SYCE1: variants seen among roughly 807,000 people sequenced by gnomAD.
SYCE1 encodes cancer/testis antigen 76.
Under a neutral mutation model 55.1 loss-of-function variants are expected in SYCE1, and 37 were observed. The ratio of observed to expected loss-of-function variants is 0.67; its 90% CI spans 0.52 to 0.88. The LOEUF (loss-of-function observed/expected upper bound fraction) is 0.88. Ranked by LOEUF, SYCE1 falls within the 40% of genes least tolerant of loss-of-function variation. The probability of loss-of-function intolerance (pLI) is 0.00; values close to 1 mark genes in which losing one functional copy is unlikely to be tolerated. For synonymous variants in SYCE1, 163 were observed against 159.4 expected (o/e 1.02, Z -0.17); for missense variants, 399 against 416.4 (o/e 0.96, Z 0.36).
intron 2 of SYCE1, chr10:133,559,734 A>C: frequency 2.4e-6 from 1 of 417,052 alleles, no homozygotes; most frequent in South Asian, 2.5e-5. Context: ...ACCCATCATG[A>C]GGTGGGAACA....
chr10:133,555,470 A>C (rs1183895824), intron 11 of SYCE1, 32 bp from the exon 12 acceptor site: 2 of 1,613,308 alleles, frequency 1.2e-6, no homozygotes, highest in South Asian at 2.2e-5. Context: ...GGGGGAAGGA[A>C]GAGGAGGAAA....
At chr10:133,565,620 G>A (rs1002544748), upstream of SYCE1, 15 of 1,341,458 alleles carry the variant, frequency 1.1e-5, no homozygotes, top group African/African-American at 4.4e-5. Context: ...TCCAGGCAGC[G>A]CGCCTGCGCA....
chr10:133,567,543 C>T (rs1589975288), upstream of SYCE1, among the ~76,000 whole-genome samples: 1 of 152,002 alleles, frequency 6.6e-6, no homozygotes, highest in East Asian at 1.9e-4. Flanking sequence ...CTCTTCTGGG[C>T]AGGTGGTTAG....
At chr10:133,568,258 TC>T, upstream of SYCE1, 1 of 1,426,562 alleles carries the variant, frequency 7.0e-7, no homozygotes, top group Non-Finnish European at 9.5e-7. Context: ...CAGGCCGCGT[TC>T]CCCGGGTCCC....
rs964080205 is a variant in SYCE1, at chr10:133,558,700, G to A, written c.271+177C>T. On this transcript the variant is annotated intron_variant, in intron 4 of 12. Transcript: ENST00000343131. ...AAGCCCTGAGGTGGGAATGAGGTTG[G>A]AGGGTGTTTCCTGAACACTCCCACA... 3 of 641,356 alleles carry A rather than the reference G, an allele frequency of 4.7e-6. No individual in the cohort carries two copies. In the East Asian group the frequency reaches 8.7e-5, roughly 19 times the overall value. The allele number at this position is 641,356 out of a possible 1,614,324, so 39.7% of individuals were successfully genotyped here. A position where few individuals can be genotyped will look rare whatever the true frequency, so the allele number is the denominator to read the frequency against.
chr10:133,562,383 T>C (rs991314810), intron 1 of SYCE1, among the ~76,000 whole-genome samples: 3 of 123,702 alleles, frequency 2.4e-5, no homozygotes, highest in South Asian at 3.2e-4. Flanking sequence ...TGGGCAAAAG[T>C]TTTTTTTCTT....
chr10:133,558,695 G>C, intron 4 of SYCE1, 182 bp downstream of exon 4: 1 of 627,134 alleles, frequency 1.6e-6, no homozygotes. Context: ...GTGGGAATGA[G>C]GTTGGAGGGT....
In SYCE1 at chr10:133,556,822, C is replaced by T. The variant is rs1851695322; in HGVS notation, c.465G>A (p.Arg155=). Residue 155 remains arginine (R), a splice_region_variant and synonymous_variant, in exon 8 of 13, where the codon AGG becomes AGA. Coordinates refer to ENST00000343131, the MANE Select transcript of SYCE1 (RefSeq NM_001143764.3). ...CTTCCAGCTGTTCCTCGAATGCCAA[C>T]CTGGGAACCAACCACAGGCATGAGG... ...EEEKNKQRQL[R]LAFEEQLEDL... is the part of the protein sequence containing the mutation. The T allele has an allele frequency of 6.3e-7, 1 of 1,590,362 alleles. No individual in the cohort carries two copies. Among genetic ancestry groups the T allele is most frequent in the Non-Finnish European group, 8.6e-7 (1 of 1,168,290 alleles).
chr10:133,565,013 C>G (rs11101842), intron 1 of SYCE1, among the ~76,000 whole-genome samples: 1 of 152,034 alleles, frequency 6.6e-6, no homozygotes, highest in East Asian at 1.9e-4. Context: ...CCCGGCTCCC[C>G]GGGGCGTCGG....
At chr10:133,562,866 T>C (rs749157996) in intron 1 of SYCE1, among the ~76,000 whole-genome samples, 26 of 152,170 alleles carry the variant, frequency 1.7e-4, no homozygotes, top group Non-Finnish European at 7.4e-5. Context: ...CTAAATAAAA[T>C]TGGTCTCCTG....
At chr10:133,566,352 G>A (rs190469307), upstream of SYCE1, among the ~76,000 whole-genome samples, 5 of 152,192 alleles carry the variant, frequency 3.3e-5, no homozygotes, top group Admixed American at 6.5e-5. Context: ...ACGAAGCCTC[G>A]AATCCTAACC....
At position 133,558,223 on chromosome 10, in the gene SYCE1, C is replaced by G. The variant is rs1851735870; in HGVS notation, c.272-9G>C. On this transcript the variant is annotated splice_polypyrimidine_tract_variant and intron_variant, in intron 4 of 12. Coordinates refer to ENST00000343131, the MANE Select transcript of SYCE1 (RefSeq NM_001143764.3). ...TACTTTCTCTCCATGCACTAGAAAA[C>G]AGTGACACATTTTGGCATCAGGGAC... 6.2e-7 allele frequency: 1 copy of G among 1,614,134 alleles called. No individual in the cohort carries two copies. The highest frequency in any genetic ancestry group is 8.5e-7 in the Non-Finnish European group (1 of 1,180,006).
Position 133,557,117 on chromosome 10 carries a change from A to C in SYCE1, c.414T>G (p.Ser138=). Reference sequence around the variant, plus strand: ...CTTCTTCAATCTGCAAGTTCAGGGCAGAAATTCTCTCCTTGCACTCCTGCA... The same window carrying C: ...CTTCTTCAATCTGCAAGTTCAGGGCCGAAATTCTCTCCTTGCACTCCTGCA... ...TMLQECKERI[S]ALNLQIEEEK... Residue 138 remains serine (S), a synonymous_variant, in exon 7 of 13, where the codon TCT becomes TCG. Transcript: ENST00000343131. 1 of 1,614,180 alleles carries C rather than the reference A, an allele frequency of 6.2e-7. No individual in the cohort carries two copies. The highest frequency in any genetic ancestry group is 8.5e-7 in the Non-Finnish European group (1 of 1,180,034).
chr10:133,558,697 T>A (rs1352481705), intron 4 of SYCE1, 180 bp downstream of exon 4: 2 of 630,886 alleles, frequency 3.2e-6, no homozygotes, highest in Non-Finnish European at 5.5e-6. Context: ...GGGAATGAGG[T>A]TGGAGGGTGT....
At chr10:133,558,260 C>A in intron 4 of SYCE1, 46 bp from the exon 5 acceptor site, 1 of 1,602,842 alleles carries the variant, frequency 6.2e-7, no homozygotes, top group South Asian at 1.1e-5. Context: ...ATGCACTGCA[C>A]CCTCAGGGAT....
rs772735890 is a variant in SYCE1 at position 133,556,062 on chromosome 10, A to G, written c.529-15T>C. 1 of 1,612,488 alleles carries G rather than the reference A, an allele frequency of 6.2e-7. No homozygotes were observed. The highest frequency in any genetic ancestry group is 1.7e-5 in the Admixed American group (1 of 60,000). On this transcript the variant is annotated splice_polypyrimidine_tract_variant and intron_variant, in intron 8 of 12. Transcript: ENST00000343131. ...CGCTCTGGCATCTGAGGGGCAGAAA[A>G]GAGGCCTGTCCACTCCTCTTGGCTT... is the stretch of plus-strand genomic sequence containing the variant.
At chr10:133,567,883 T>G, upstream of SYCE1, 1 of 480,862 alleles carries the variant, frequency 2.1e-6, no homozygotes, top group Non-Finnish European at 4.0e-6. Context: ...AGGTGGGAGG[T>G]GGGAGGCTGA....
intron 3 of SYCE1, 50 bp downstream of exon 3, chr10:133,559,251 C>CAAA (rs1564857202): frequency 1.9e-6 from 3 of 1,600,900 alleles, no homozygotes; most frequent in South Asian, 2.2e-5. Context: ...CACTGAGCCC[C>CAAA]GCAAACCATG....
In SYCE1 at chr10:133,558,643, T is replaced by C. The variant is rs1481339403; in HGVS notation, c.271+234A>G. 7 of 556,360 alleles carry C rather than the reference T, an allele frequency of 1.3e-5. No homozygotes were observed. The African/African-American group carries it at 1.3e-4, about 11-fold the overall frequency. The allele number at this position is 556,360 out of a possible 1,614,324, so 34.5% of individuals were successfully genotyped here. A position where few individuals can be genotyped will look rare whatever the true frequency, so the allele number is the denominator to read the frequency against. ...TGATGTGAGGAAAGAGGAACCTGTATTATCTGAGGAAGCACAGACAGCGTC... is the reference window on the plus strand; with the variant it reads ...TGATGTGAGGAAAGAGGAACCTGTACTATCTGAGGAAGCACAGACAGCGTC... On this transcript the variant is annotated intron_variant, in intron 4 of 12. Transcript: ENST00000343131.
Sources: allele counts gnomAD v4.1 joint callset (sites outside exome capture counted in the v4.1 genomes callset), GRCh38; gene constraint gnomAD v4.1.1; transcripts MANE v1.5; gene names NCBI Gene and HGNC (gene_info 2026-07-23, HGNC 2026-07-21).